The following HMGB1 variants were observed in gnomAD, a reference collection of about 807,000 sequenced individuals.
HMGB1 encodes high mobility group protein B1.
For missense variants in HMGB1, 79 were observed against 253.5 expected (o/e 0.31, Z 4.67); for synonymous variants, 81 against 84.0 (o/e 0.96, Z 0.19).
At chr13:30,549,606 G>T (rs1422075063) in intron 1 of HMGB1, among the ~76,000 whole-genome samples, 1 of 152,034 alleles carries the variant, frequency 6.6e-6, no homozygotes, top group Non-Finnish European at 1.5e-5. Context: ...TGTTGCCCGG[G>T]CTAGTCTTGA....
intron 1 of HMGB1, among the ~76,000 whole-genome samples, chr13:30,482,713 T>C (rs1407795626): frequency 6.6e-6 from 1 of 152,128 alleles, no homozygotes; most frequent in Non-Finnish European, 1.5e-5. Context: ...CAAATGACAT[T>C]GGTAGCGACT....
intron 4 of HMGB1, chr13:30,461,748 G>C: frequency 2.4e-6 from 3 of 1,263,910 alleles, no homozygotes; most frequent in Non-Finnish European, 3.3e-6. Flanking sequence ...TCATGAAATG[G>C]CATAGTCTAA....
chr13:30,506,799 G>GC (rs1887879344), intron 1 of HMGB1, among the ~76,000 whole-genome samples: 2 of 152,118 alleles, frequency 1.3e-5, no homozygotes, highest in African/African-American at 4.8e-5. Context: ...GGGTTACCTG[G>GC]CACTTCTGTC....
At chr13:30,586,060 A>AT (rs978528518) in intron 1 of HMGB1, among the ~76,000 whole-genome samples, 1 of 151,816 alleles carries the variant, frequency 6.6e-6, no homozygotes, top group African/African-American at 2.4e-5. Context: ...CTGTTTTCTA[A>AT]TTTTTTTTAT....
At chr13:30,523,683 ACAG>A (rs1410958270) in intron 1 of HMGB1, among the ~76,000 whole-genome samples, 4 of 152,176 alleles carry the variant, frequency 2.6e-5, no homozygotes, top group Non-Finnish European at 2.9e-5. Context: ...CATCTTGCTT[ACAG>A]CAGCTGCTAC....
chr13:30,480,480 G>A (rs1328988096), intron 1 of HMGB1, among the ~76,000 whole-genome samples: 1 of 152,150 alleles, frequency 6.6e-6, no homozygotes, highest in African/African-American at 2.4e-5. Context: ...CCTGCCTCAG[G>A]CTCCTGAATA....
intron 1 of HMGB1, among the ~76,000 whole-genome samples, chr13:30,550,226 G>A (rs1168942996): frequency 1.3e-5 from 2 of 151,976 alleles, no homozygotes; most frequent in Admixed American, 1.3e-4. Context: ...CTTTTAGGAA[G>A]TCATGTATGT....
intron 1 of HMGB1, among the ~76,000 whole-genome samples, chr13:30,519,458 G>A (rs1161010623): frequency 2.6e-5 from 4 of 151,614 alleles, no homozygotes; most frequent in Non-Finnish European, 5.9e-5. Flanking sequence ...CACTTTGGGA[G>A]GCCAAGGTGG....
rs1886194761 is a variant in HMGB1, at chr13:30,459,795, T to C, written c.*1562A>G. ...CTAAGAGGTATTATTAGAAACAAGA[T>C]TTAAAAATATGTAACAAAATCTTAA... is the stretch of plus-strand genomic sequence containing the variant. On this transcript the variant is annotated 3_prime_UTR_variant, in exon 5 of 5. Coordinates refer to ENST00000341423, the MANE Select transcript of HMGB1 (RefSeq NM_002128.7). 2 of 152,328 alleles carry C rather than the reference T, an allele frequency of 1.3e-5. No homozygotes were observed. Among genetic ancestry groups the C allele is most frequent in the African/African-American group, 4.8e-5 (2 of 41,456 alleles). The allele number at this position is 152,328 out of a possible 1,614,324, so 9.4% of individuals were successfully genotyped here.
At chr13:30,481,181 A>G (rs1478290488) in intron 1 of HMGB1, among the ~76,000 whole-genome samples, 1 of 152,198 alleles carries the variant, frequency 6.6e-6, no homozygotes, top group Non-Finnish European at 1.5e-5. Context: ...GAAGACTCAA[A>G]AAAACACTTT....
rs866545619 is a variant in HMGB1 at position 30,486,795 on chromosome 13, C to A, written c.-14-23101G>T. 8.5e-5 allele frequency among the ~76,000 whole-genome samples: 13 copies of A among 152,216 alleles called. No individual in the cohort carries two copies. The South Asian group carries it at 1.9e-3, about 22-fold the overall frequency. ...TGCTCTATCTCTGAGAAAGAGCAAGCTTGAGCCTTGTTGCTCTCGGTTGGG... is the reference window on the plus strand; with the variant it reads ...TGCTCTATCTCTGAGAAAGAGCAAGATTGAGCCTTGTTGCTCTCGGTTGGG... On this transcript the variant is annotated intron_variant, in intron 1 of 4. Coordinates refer to the HMGB1 transcript ENST00000405805.
chr13:30,562,085 G>T (rs1869979329), intron 1 of HMGB1, among the ~76,000 whole-genome samples: 2 of 152,146 alleles, frequency 1.3e-5, no homozygotes, highest in Admixed American at 6.5e-5. Context: ...ACTTTGGGAG[G>T]CCAAGGCAGG....
rs549499620 is a variant in HMGB1 at position 30,474,759 on chromosome 13, C to CTTT, written c.-14-11068_-14-11066dup. 6.1e-3 allele frequency among the ~76,000 whole-genome samples: 566 copies of CTTT among 92,822 alleles called. 50 individuals carry two copies. The highest frequency in any genetic ancestry group is 0.019 in the African/African-American group (422 of 21,934). The allele number at this position is 92,822 out of a possible 152,430, so 60.9% of individuals were successfully genotyped here. A position where few individuals can be genotyped will look rare whatever the true frequency, so the allele number is the denominator to read the frequency against. Reference sequence around the variant, plus strand: ...GACAGAGCGAGATGGTCTCTCTCTCCTTTTTTTTTTTTTTTTTTTTTGAGA... The same window carrying CTTT: ...GACAGAGCGAGATGGTCTCTCTCTCCTTTTTTTTTTTTTTTTTTTTTTTTGAGA... On this transcript the variant is annotated intron_variant, in intron 1 of 4. Transcript: ENST00000405805.
chr13:30,534,731 C>T (rs1329805499), intron 1 of HMGB1, among the ~76,000 whole-genome samples: 2 of 151,786 alleles, frequency 1.3e-5, no homozygotes, highest in Non-Finnish European at 2.9e-5. Flanking sequence ...GCATGTGCCA[C>T]CACATCAGTT....
intron 1 of HMGB1, among the ~76,000 whole-genome samples, chr13:30,538,703 T>TTATTTCTTTC (rs781657723): frequency 2.3e-4 from 27 of 115,310 alleles, no homozygotes; most frequent in African/African-American, 1.1e-3. Context: ...CTTTCTTTCT[T>TTATTTCTTTC]TTTCTTTCTT....
At chr13:30,462,802 C>T (rs1886441339) in intron 3 of HMGB1, 90 bp from the exon 4 acceptor site, 2 of 1,060,054 alleles carry the variant, frequency 1.9e-6, no homozygotes, top group Non-Finnish European at 2.8e-6. Context: ...TTTAAAGCTG[C>T]CTGTGAATTT....
At chr13:30,554,052 C>T in intron 1 of HMGB1, 1 of 1,396,516 alleles carries the variant, frequency 7.2e-7, no homozygotes, top group Non-Finnish European at 1.0e-6. Flanking sequence ...GCAGTACTGG[C>T]CAACAGATGA....
chr13:30,498,869 A>G (rs1887672798), intron 1 of HMGB1, among the ~76,000 whole-genome samples: 1 of 151,476 alleles, frequency 6.6e-6, no homozygotes, highest in African/African-American at 2.4e-5. Context: ...ACTGGTCTTG[A>G]ACTTCTGACC....
intron 1 of HMGB1, among the ~76,000 whole-genome samples, chr13:30,608,040 T>G (rs58536349): frequency 1.3e-5 from 2 of 152,088 alleles, no homozygotes. Flanking sequence ...ACAGTGACAG[T>G]AGGTCACTTC....
Sources: allele counts gnomAD v4.1 joint callset (sites outside exome capture counted in the v4.1 genomes callset), GRCh38; gene constraint gnomAD v4.1.1; transcripts MANE v1.5; gene names NCBI Gene and HGNC (gene_info 2026-07-23, HGNC 2026-07-21).